Variants in KCNIP1 observed in about 807,000 individuals in gnomAD.
KCNIP1 encodes the protein potassium voltage-gated channel interacting protein 1, also known as A-type potassium channel modulatory protein KCNIP1.
KCNIP1 carries 18 observed loss-of-function variants against 33.0 expected under a neutral mutation model. The ratio of observed to expected loss-of-function variants is 0.55; its 90% CI spans 0.38 to 0.81. The LOEUF (loss-of-function observed/expected upper bound fraction) is 0.81, where lower values mean the gene tolerates loss of function less well. KCNIP1 is among the 30% of genes least tolerant of loss of function. The probability of loss-of-function intolerance (pLI) is 0.00; values close to 1 mark genes in which losing one functional copy is unlikely to be tolerated. For missense variants in KCNIP1, 238 were observed against 271.6 expected (o/e 0.88, Z 0.87); for synonymous variants, 93 against 98.3 (o/e 0.95, Z 0.32).
At position 170,504,688 on chromosome 5, in the gene KCNIP1, C is replaced by G; in HGVS notation, c.61+55C>G. The G allele has an allele frequency of 6.7e-7, 1 of 1,491,182 alleles. No individual in the cohort carries two copies. The highest frequency in any genetic ancestry group is 9.4e-7 in the Non-Finnish European group (1 of 1,069,190). 92.4% of individuals were successfully genotyped at this position (1,491,182 alleles called of 1,614,324 possible). A position where few individuals can be genotyped will look rare whatever the true frequency, so the allele number is the denominator to read the frequency against. On this transcript the variant is annotated intron_variant, in intron 1 of 7. Coordinates refer to ENST00000328939, the MANE Select transcript of KCNIP1 (RefSeq NM_014592.4). The surrounding 1 kb of genome is among the most constrained non-coding windows in gnomAD (Gnocchi z 6.0). ...GTCTGGGCTTGGGGGTGCTAGGCGC[C>G]GAGGTGGGCTGTGCCACCTGCCTCC...
chr5:170,540,576 A>G (rs980865138), intron 1 of KCNIP1, among the ~76,000 whole-genome samples: 4 of 152,164 alleles, frequency 2.6e-5, no homozygotes, highest in Non-Finnish European at 5.9e-5. Flanking sequence ...CCCTTCCCTG[A>G]CCACAATGCT....
chr5:170,374,140 T>A (rs1763923982), intron 1 of KCNIP1, among the ~76,000 whole-genome samples: 2 of 152,226 alleles, frequency 1.3e-5, no homozygotes, highest in Non-Finnish European at 2.9e-5. Context: ...GAGTTTAAGA[T>A]AAATTTTGGA....
chr5:170,736,248 G>A lies in KCNIP1; in HGVS notation c.*442G>A. On this transcript the variant is annotated 3_prime_UTR_variant, in exon 8 of 8. Transcript: ENST00000328939. ...GATGGCCTCCCAAACCAATGTGCCT[G>A]TTTCTCTTCCTTTGGTGGGAAGAAT... The A allele has an allele frequency of 5.9e-6, 1 of 168,982 alleles. No individual in the cohort carries two copies. Among genetic ancestry groups the A allele is most frequent in the Non-Finnish European group, 1.3e-5 (1 of 78,122 alleles). The allele number at this position is 168,982 out of a possible 1,614,324, so 10.5% of individuals were successfully genotyped here.
chr5:170,460,070 G>A (rs1756471310), intron 1 of KCNIP1, among the ~76,000 whole-genome samples: 1 of 152,072 alleles, frequency 6.6e-6, no homozygotes. Flanking sequence ...ACCTTTATGT[G>A]CATAAACTTG....
intron 1 of KCNIP1, among the ~76,000 whole-genome samples, chr5:170,676,537 A>G (rs1240794532): frequency 6.6e-6 from 1 of 152,182 alleles, no homozygotes; most frequent in Non-Finnish European, 1.5e-5. Flanking sequence ...AAGTGCAATT[A>G]TTGGCATTAT....
intron 1 of KCNIP1, among the ~76,000 whole-genome samples, chr5:170,410,037 T>C (rs1214396011): frequency 2.0e-5 from 3 of 152,234 alleles, no homozygotes; most frequent in African/African-American, 7.2e-5. Context: ...TTTTCCAGTT[T>C]TATATGATTT....
At chr5:170,384,739 C>T (rs1050953713) in intron 1 of KCNIP1, among the ~76,000 whole-genome samples, 1 of 152,198 alleles carries the variant, frequency 6.6e-6, no homozygotes, top group Non-Finnish European at 1.5e-5. Context: ...TCCTTAAAAT[C>T]TCAAGTGGTT....
At chr5:170,434,678 G>A (rs558290098) in intron 1 of KCNIP1, among the ~76,000 whole-genome samples, 2 of 152,318 alleles carry the variant, frequency 1.3e-5, no homozygotes, top group East Asian at 3.9e-4. Flanking sequence ...GATGGGGCCT[G>A]GTGCGCTGGC....
chr5:170,682,937 T>C (rs1310920969), intron 1 of KCNIP1, among the ~76,000 whole-genome samples: 1 of 152,086 alleles, frequency 6.6e-6, no homozygotes, highest in East Asian at 1.9e-4. Flanking sequence ...CCAAGCTTCC[T>C]ACTTTCTTAT....
At chr5:170,561,710 G>A (rs1297290889) in intron 1 of KCNIP1, among the ~76,000 whole-genome samples, 1 of 152,188 alleles carries the variant, frequency 6.6e-6, no homozygotes, top group African/African-American at 2.4e-5. Context: ...CACACAGTAG[G>A]TACACAAGGT....
chr5:170,472,745 C>A (rs753259796), intron 1 of KCNIP1, among the ~76,000 whole-genome samples: 29 of 152,200 alleles, frequency 1.9e-4, no homozygotes, highest in Non-Finnish European at 2.4e-4. Flanking sequence ...CAGGTCACTA[C>A]AAATGCTGAT....
intron 1 of KCNIP1, among the ~76,000 whole-genome samples, chr5:170,469,360 C>G (rs114266703): frequency 0.053 from 8,132 of 152,244 alleles, 424 homozygotes; most frequent in African/African-American, 0.12. Flanking sequence ...ACGCCCTGCA[C>G]TCCTGCCTGG....
intron 1 of KCNIP1, among the ~76,000 whole-genome samples, chr5:170,606,923 C>T (rs1758943948): frequency 1.3e-5 from 2 of 152,258 alleles, no homozygotes; most frequent in South Asian, 4.1e-4. Flanking sequence ...GCGCCCTAGG[C>T]TGGGGCCAAA....
intron 1 of KCNIP1, among the ~76,000 whole-genome samples, chr5:170,660,648 A>G (rs957932501): frequency 1.3e-5 from 2 of 152,204 alleles, no homozygotes; most frequent in Non-Finnish European, 2.9e-5. Flanking sequence ...ACATGGGAAG[A>G]GAGGGATGGG....
At chr5:170,663,353 C>T (rs1267439939) in intron 1 of KCNIP1, among the ~76,000 whole-genome samples, 5 of 152,110 alleles carry the variant, frequency 3.3e-5, no homozygotes, top group African/African-American at 1.2e-4. Context: ...ACTCTCCCAC[C>T]GTGCTGAAGC....
intron 1 of KCNIP1, among the ~76,000 whole-genome samples, chr5:170,365,513 A>G (rs960385607): frequency 2.0e-5 from 3 of 152,126 alleles, no homozygotes; most frequent in Non-Finnish European, 4.4e-5. Context: ...TGCCATGGAG[A>G]GAGGGGAACC....
chr5:170,550,779 A>G (rs1178823544), intron 1 of KCNIP1, among the ~76,000 whole-genome samples: 1 of 152,150 alleles, frequency 6.6e-6, no homozygotes. Context: ...TGGTGATGAC[A>G]AGGTTGATGA....
At position 170,606,236 on chromosome 5, in the gene KCNIP1, T is replaced by C. The variant is rs144977958; in HGVS notation, c.61+101603T>C. ...GTACAAGTTTTTATTTGAACACTTG[T>C]CTCTAATTCTTTGGGGTATATACCC... On this transcript the variant is annotated intron_variant, in intron 1 of 7. Coordinates refer to ENST00000328939, the MANE Select transcript of KCNIP1 (RefSeq NM_014592.4). Among the ~76,000 whole-genome samples the C allele has an allele frequency of 3.0e-3, 459 of 152,292 alleles. 2 individuals carry two copies. The highest frequency in any genetic ancestry group is 0.011 in the African/African-American group (437 of 41,560).
At chr5:170,557,318 T>A (rs1277325867) in intron 1 of KCNIP1, among the ~76,000 whole-genome samples, 2 of 152,298 alleles carry the variant, frequency 1.3e-5, no homozygotes, top group African/African-American at 4.8e-5. Context: ...GGAATAAATA[T>A]GGATAAACTG....
Sources: gnomAD v4.1 joint callset for allele counts (sites outside exome capture counted in the v4.1 genomes callset) on GRCh38, gnomAD v4.1.1 for gene constraint, Gnocchi (gnomAD v3.1) non-coding constraint, MANE v1.5 for transcripts, NCBI Gene and HGNC (gene_info 2026-07-23, HGNC 2026-07-21) for gene names.